CCDC18: variants seen among roughly 807,000 people sequenced by gnomAD.
CCDC18 encodes coiled-coil domain-containing protein 18.
Under a neutral mutation model 196.0 loss-of-function variants are expected in CCDC18, and 157 were observed. That is an observed-to-expected ratio of 0.80 (90% CI 0.70 to 0.91). The LOEUF (loss-of-function observed/expected upper bound fraction) is 0.91. CCDC18 is among the 40% of genes least tolerant of loss of function. CCDC18 has a pLI of 0.00. For missense variants in CCDC18, 1,465 were observed against 1,611.6 expected, an observed-to-expected ratio of 0.91 and a Z score of 1.56; for synonymous variants, 482 against 529.2, an observed-to-expected ratio of 0.91 and a Z score of 1.22.
intron 27 of CCDC18, among the ~76,000 whole-genome samples, chr1:93,268,290 G>GACTT (rs1314046496): frequency 2.6e-5 from 4 of 152,192 alleles, no homozygotes; most frequent in African/African-American, 9.7e-5. Context: ...ATGGATTAAA[G>GACTT]ACTTAAATGT....
chr1:93,180,377 G>A (rs539510291), upstream of CCDC18: 26 of 1,261,474 alleles, frequency 2.1e-5, no homozygotes, highest in East Asian at 6.0e-4. Flanking sequence ...CCGCGGCGGC[G>A]GCGAACACTC....
chr1:93,273,115 C>A (rs1290804571), intron 28 of CCDC18, among the ~76,000 whole-genome samples: 1 of 151,872 alleles, frequency 6.6e-6, no homozygotes, highest in South Asian at 2.1e-4. Context: ...GTTGCCCAGG[C>A]TGGAGTGCAG....
At chr1:93,244,156 C>T (rs773076157) in intron 21 of CCDC18, among the ~76,000 whole-genome samples, 4 of 152,206 alleles carry the variant, frequency 2.6e-5, no homozygotes, top group Admixed American at 1.3e-4. Context: ...GTGAAAGGCA[C>T]ATCTCACTGG....
chr1:93,254,643 A>C, intron 24 of CCDC18, 29 bp downstream of exon 24: 1 of 1,589,370 alleles, frequency 6.3e-7, no homozygotes, highest in South Asian at 1.1e-5. Flanking sequence ...CCTAAGGAAC[A>C]AGTGGTAGTC....
rs748329809 is a variant in CCDC18, at chr1:93,216,606, A to G, written c.1720-30A>G. 6.1e-6 allele frequency: 7 copies of G among 1,148,076 alleles called. No individual in the cohort carries two copies. In the Admixed American group the frequency reaches 1.4e-4, roughly 24 times the overall value. The allele number at this position is 1,148,076 out of a possible 1,614,324, so 71.1% of individuals were successfully genotyped here. A position where few individuals can be genotyped will look rare whatever the true frequency, so the allele number is the denominator to read the frequency against. Reference sequence around the variant, plus strand: ...TGCAAAATCATTACCTTTAAAAAATAATTTTACATTTATTTCAATGTGTTT... The same window carrying G: ...TGCAAAATCATTACCTTTAAAAAATGATTTTACATTTATTTCAATGTGTTT... On this transcript the variant is annotated intron_variant, in intron 12 of 28. Transcript: ENST00000690025.
At chr1:93,221,983 T>C in intron 16 of CCDC18, 47 bp downstream of exon 16, 1 of 1,310,170 alleles carries the variant, frequency 7.6e-7, no homozygotes, top group Non-Finnish European at 1.1e-6. Flanking sequence ...TTTTTTTTTT[T>C]TTAACAGACA....
At chr1:93,246,307 C>G (rs1438157401) in intron 22 of CCDC18, 103 bp downstream of exon 22, 7 of 645,282 alleles carry the variant, frequency 1.1e-5, no homozygotes, top group Non-Finnish European at 1.9e-5. Context: ...ATTTTTATAG[C>G]ATATCTTTTC....
At chr1:93,255,418 C>T (rs539086557) in intron 24 of CCDC18, among the ~76,000 whole-genome samples, 1 of 152,222 alleles carries the variant, frequency 6.6e-6, no homozygotes, top group South Asian at 2.1e-4. Context: ...GAATTCATTC[C>T]TCCACTTGCT....
rs1413778604 is a variant in CCDC18 at position 93,221,696 on chromosome 1, C to T, written c.2050C>T (p.Gln684Ter). 6.3e-7 allele frequency: 1 copy of T among 1,595,650 alleles called. No homozygotes were observed. The change falls in exon 15 of 29, where the codon CAA (glutamine) becomes TAA (stop). Residue 684 changes from glutamine to a stop codon, truncating the protein, a stop_gained. Coordinates refer to ENST00000690025, the MANE Select transcript of CCDC18 (RefSeq NM_001378204.1). LOFTEE classifies it high-confidence loss of function. ...SMLQQDIICK[Q>*]HHLESLDRLL... ...GTTGCAACAAGATATAATATGCAAA[C>T]AACATCATCTTGAATCACTAGATAG...
upstream of CCDC18, chr1:93,180,338 C>A (rs1478480642): frequency 1.2e-5 from 17 of 1,420,662 alleles, no homozygotes; most frequent in East Asian, 2.6e-5. Context: ...ACAGGGAAAT[C>A]TGGAGTCTGA....
intron 26 of CCDC18, chr1:93,262,204 C>G (rs1663900912): frequency 6.6e-6 from 1 of 152,136 alleles, no homozygotes; most frequent in Non-Finnish European, 1.5e-5. Context: ...CAAGCCATAT[C>G]ATTCCAACCC....
At chr1:93,236,507 T>C (rs1660089714) in intron 19 of CCDC18, 117 bp downstream of exon 19, 2 of 922,836 alleles carry the variant, frequency 2.2e-6, no homozygotes, top group Non-Finnish European at 3.2e-6. Context: ...CTCCATAGTC[T>C]GTGTTCCTAT....
At chr1:93,189,981 G>T (rs1198566464) in intron 4 of CCDC18, among the ~76,000 whole-genome samples, 4 of 152,038 alleles carry the variant, frequency 2.6e-5, no homozygotes, top group African/African-American at 9.7e-5. Context: ...TATTTAGGAG[G>T]TATTCTCAAC....
intron 24 of CCDC18, among the ~76,000 whole-genome samples, chr1:93,255,739 C>T (rs1037413380): frequency 3.5e-5 from 4 of 114,870 alleles, no homozygotes; most frequent in East Asian, 2.2e-4. Flanking sequence ...CTGTACCAAA[C>T]GAAGAAGAGG....
chr1:93,276,128 T>C (rs1665609242), intron 28 of CCDC18, among the ~76,000 whole-genome samples: 1 of 152,184 alleles, frequency 6.6e-6, no homozygotes, highest in Non-Finnish European at 1.5e-5. Flanking sequence ...TTCAGAAAAG[T>C]GCAGTTTTAA....
chr1:93,228,581 T>C (rs1658767985), intron 17 of CCDC18, among the ~76,000 whole-genome samples: 1 of 152,166 alleles, frequency 6.6e-6, no homozygotes, highest in South Asian at 2.1e-4. Context: ...TGAAGGTTTT[T>C]ATAGCATCTT....
intron 20 of CCDC18, 59 bp downstream of exon 20, chr1:93,239,532 T>C (rs1210782224): frequency 1.0e-5 from 16 of 1,532,966 alleles, no homozygotes; most frequent in Admixed American, 6.3e-5. Context: ...CGAAGTGAAA[T>C]AATGTGAGAA....
At chr1:93,226,308 T>C in intron 16 of CCDC18, 25 bp from the exon 17 acceptor site, 2 of 870,118 alleles carry the variant, frequency 2.3e-6, no homozygotes, top group Admixed American at 2.6e-5. Flanking sequence ...GTTTTTTTTT[T>C]TTTTTTGCTT....
intron 28 of CCDC18, among the ~76,000 whole-genome samples, chr1:93,276,805 C>T (rs1048821191): frequency 6.6e-6 from 1 of 151,888 alleles, no homozygotes; most frequent in Admixed American, 6.6e-5. Flanking sequence ...TGCCCCTACA[C>T]ACCTGTGGGT....
Sources: allele counts gnomAD v4.1 joint callset (sites outside exome capture counted in the v4.1 genomes callset), GRCh38; gene constraint gnomAD v4.1.1; transcripts MANE v1.5; gene names NCBI Gene and HGNC (gene_info 2026-07-23, HGNC 2026-07-21).